Variants in NSUN4 observed in about 807,000 individuals in gnomAD.
The protein encoded by NSUN4 is NOP2/Sun RNA methyltransferase 4.
Under a neutral mutation model 43.8 loss-of-function variants are expected in NSUN4, and 31 were observed. The observed-to-expected ratio is 0.71, with a 90% CI of 0.53 to 0.96. The LOEUF (loss-of-function observed/expected upper bound fraction) is 0.96. Ranked by LOEUF, NSUN4 falls within the 40% of genes least tolerant of loss-of-function variation. The probability of loss-of-function intolerance (pLI) is 0.00; values close to 1 mark genes in which losing one functional copy is unlikely to be tolerated. For synonymous variants in NSUN4, 167 were observed against 184.1 expected (o/e 0.91, Z 0.75); for missense variants, 439 against 475.6 (o/e 0.92, Z 0.72).
chr1:46,348,601 T>C (rs111226885), intron 3 of NSUN4, among the ~76,000 whole-genome samples: 33,737 of 148,688 alleles, frequency 0.23, 4,228 homozygotes, highest in Non-Finnish European at 0.29. Flanking sequence ...CCCAACTACT[T>C]GGGAGGCTGA....
In NSUN4 at chr1:46,361,993, T is replaced by G. The variant is rs1663915892; in HGVS notation, c.*147T>G. On this transcript the variant is annotated 3_prime_UTR_variant, in exon 6 of 6. Transcript: ENST00000474844. The stretch of plus-strand genomic sequence containing the variant: ...TTCTGCAGTTTTCGGCAATAAGAAG[T>G]AGAAGATTTGCTGTCCTGCTGTCCA... The G allele has an allele frequency of 2.7e-6, 2 of 741,062 alleles. No homozygotes were observed. The highest frequency in any genetic ancestry group is 5.7e-5 in the Admixed American group (2 of 35,162). The allele number at this position is 741,062 out of a possible 1,614,324, so 45.9% of individuals were successfully genotyped here.
At chr1:46,371,211 A>T in the NSUN4 span, among the ~76,000 whole-genome samples, 6 of 148,026 alleles carry the variant, frequency 4.1e-5, no homozygotes, top group African/African-American at 1.5e-4. Context: ...ATCGTGGCTC[A>T]CTGACTCCCA....
intron 3 of NSUN4, 57 bp downstream of exon 3, chr1:46,347,132 A>C: frequency 1.9e-6 from 3 of 1,561,234 alleles, no homozygotes; most frequent in Non-Finnish European, 2.6e-6. Flanking sequence ...ACCTAGTCCC[A>C]GGTACATTTA....
intron 1 of NSUN4, chr1:46,343,517 C>T (rs1194672080): frequency 1.0e-5 from 4 of 399,740 alleles, no homozygotes; most frequent in African/African-American, 8.2e-5. Context: ...TTAGCAAATG[C>T]CAGAGTAGTG....
At position 46,340,877 on chromosome 1, in the gene NSUN4, C is replaced by G; in HGVS notation, c.51C>G (p.Asp17Glu). The part of the protein sequence containing the change: ...RGVRELLKRV[D>E]LATVPRRHRY... ...TCCGGGAGCTGCTGAAGCGTGTGGACCTCGCGACGGTCCCGCGGAGACATC... is the reference window on the plus strand; with the variant it reads ...TCCGGGAGCTGCTGAAGCGTGTGGAGCTCGCGACGGTCCCGCGGAGACATC... The change falls in exon 1 of 6, where the codon GAC becomes GAG. Residue 17 changes from aspartate (D) to glutamate (E), a missense_variant. Transcript: ENST00000474844. 1 of 1,613,308 alleles carries G rather than the reference C, an allele frequency of 6.2e-7. No homozygotes were observed. The highest frequency in any genetic ancestry group is 8.5e-7 in the Non-Finnish European group (1 of 1,179,678).
chr1:46,355,566 A>C (rs1663303080), intron 4 of NSUN4, among the ~76,000 whole-genome samples: 1 of 152,244 alleles, frequency 6.6e-6, no homozygotes, highest in African/African-American at 2.4e-5. Flanking sequence ...GAAAACATTC[A>C]GTAGTAGTAT....
chr1:46,341,208 G>T, intron 1 of NSUN4: 8 of 1,167,214 alleles, frequency 6.9e-6, no homozygotes, highest in Non-Finnish European at 8.5e-6. Context: ...TTCCCCAGCT[G>T]TGTCCACCTA....
At chr1:46,349,334 G>A (rs568548272) in intron 3 of NSUN4, among the ~76,000 whole-genome samples, 4 of 151,654 alleles carry the variant, frequency 2.6e-5, no homozygotes, top group Admixed American at 2.0e-4. Flanking sequence ...TAGAGATAGG[G>A]TTTCACCGTG....
chr1:46,350,620 G>A (rs1436996938), intron 3 of NSUN4, among the ~76,000 whole-genome samples: 1 of 152,180 alleles, frequency 6.6e-6, no homozygotes, highest in Admixed American at 6.5e-5. Context: ...AAAATGAAAG[G>A]TAGATGGTAA....
Position 46,344,839 on chromosome 1 carries a change from T to G in NSUN4, c.132T>G (p.Ala44=), listed in dbSNP as rs1662365539. The stretch of plus-strand genomic sequence containing the variant: ...CCAAATTCCCTGCTGTTCGACTGGC[T>G]TTGCAGAATTTTGACATGACTTACA... ...TEPKFPAVRL[A]LQNFDMTYSV... is the part of the protein sequence containing the mutation. Residue 44 remains alanine (A), a synonymous_variant, in exon 2 of 6, where the codon GCT becomes GCG. Coordinates refer to ENST00000474844, the MANE Select transcript of NSUN4 (RefSeq NM_199044.4). 1.4e-5 allele frequency: 23 copies of G among 1,614,246 alleles called. No homozygotes were observed. Among genetic ancestry groups the G allele is most frequent in the Non-Finnish European group, 1.9e-5 (23 of 1,180,042 alleles).
chr1:46,382,656 C>T, the NSUN4 span, among the ~76,000 whole-genome samples: 1 of 148,780 alleles, frequency 6.7e-6, no homozygotes, highest in Non-Finnish European at 1.5e-5. Context: ...GGCTGGAGTG[C>T]AGTGGCATGA....
intron 3 of NSUN4, among the ~76,000 whole-genome samples, chr1:46,348,172 G>T (rs867556543): frequency 6.6e-6 from 1 of 152,060 alleles, no homozygotes; most frequent in Non-Finnish European, 1.5e-5. Context: ...GAGCCACCGC[G>T]CCCGGCCCCT....
intron 3 of NSUN4, among the ~76,000 whole-genome samples, chr1:46,351,790 G>C (rs1459366183): frequency 2.8e-5 from 4 of 144,478 alleles, no homozygotes; most frequent in Non-Finnish European, 6.0e-5. Flanking sequence ...TCAGCCTCCC[G>C]AGTAGCTGGG....
intron 3 of NSUN4, among the ~76,000 whole-genome samples, chr1:46,350,098 G>C (rs1242251373): frequency 6.6e-6 from 1 of 152,228 alleles, no homozygotes; most frequent in Admixed American, 6.5e-5. Context: ...ATTGAGTTCT[G>C]TGGAGATTAA....
intron 2 of NSUN4, chr1:46,345,360 A>G (rs892538092): frequency 3.9e-6 from 2 of 506,818 alleles, no homozygotes; most frequent in Admixed American, 3.6e-5. Context: ...TTGCTGTTTT[A>G]CATTTGGAGA....
chr1:46,377,644 A>G, the NSUN4 span, among the ~76,000 whole-genome samples: 1 of 152,242 alleles, frequency 6.6e-6, no homozygotes, highest in African/African-American at 2.4e-5. Context: ...TGATCCAAAT[A>G]AAAATGTTTT....
rs1024530158 is a variant in NSUN4, at chr1:46,364,207, G to A, written c.*2361G>A. The A allele has an allele frequency of 2.6e-5, 4 of 151,730 alleles. No individual in the cohort carries two copies. Among genetic ancestry groups the A allele is most frequent in the Admixed American group, 2.0e-4 (3 of 15,196 alleles). 9.4% of individuals were successfully genotyped at this position (151,730 alleles called of 1,614,324 possible). A position where few individuals can be genotyped will look rare whatever the true frequency, so the allele number is the denominator to read the frequency against. The stretch of plus-strand genomic sequence containing the variant: ...TGCCTGTGGTCCCAGCTACTCAGGA[G>A]GCTGAGGCAGGAGGATCACTTGAGC... On this transcript the variant is annotated 3_prime_UTR_variant, in exon 6 of 6. Transcript: ENST00000474844.
rs1029161910 is a variant in NSUN4, at chr1:46,363,873, T to C, written c.*2027T>C. 1 of 152,324 alleles carries C rather than the reference T, an allele frequency of 6.6e-6. No individual in the cohort carries two copies. Among genetic ancestry groups the C allele is most frequent in the Non-Finnish European group, 1.5e-5 (1 of 68,032 alleles). 9.4% of individuals were successfully genotyped at this position (152,324 alleles called of 1,614,324 possible). A position where few individuals can be genotyped will look rare whatever the true frequency, so the allele number is the denominator to read the frequency against. The stretch of plus-strand genomic sequence containing the variant: ...TCCCAGAAGAGTAAATGTAGCATGA[T>C]GCCCTTTCTAAATGAAAGGTTTTTT... On this transcript the variant is annotated 3_prime_UTR_variant, in exon 6 of 6. Coordinates refer to ENST00000474844, the MANE Select transcript of NSUN4 (RefSeq NM_199044.4).
chr1:46,378,093 C>G, the NSUN4 span, among the ~76,000 whole-genome samples: 2 of 151,966 alleles, frequency 1.3e-5, no homozygotes, highest in Non-Finnish European at 2.9e-5. Flanking sequence ...GAGACAGGGT[C>G]TCCCTATGTT....
Sources: gnomAD v4.1 joint callset for allele counts (sites outside exome capture counted in the v4.1 genomes callset) on GRCh38, gnomAD v4.1.1 for gene constraint, MANE v1.5 for transcripts, NCBI Gene and HGNC (gene_info 2026-07-23, HGNC 2026-07-21) for gene names.